The following ZDHHC14 variants were observed in gnomAD, a reference collection of about 807,000 sequenced individuals.
ZDHHC14 encodes the protein zDHHC palmitoyltransferase 14, also known as palmitoyltransferase ZDHHC14.
Under a neutral mutation model 47.7 loss-of-function variants are expected in ZDHHC14, and 16 were observed. The observed-to-expected ratio is 0.34, with a 90% CI of 0.23 to 0.51. The LOEUF is 0.51. Ranked by LOEUF, ZDHHC14 falls within the 20% of genes least tolerant of loss-of-function variation. The pLI, the probability that ZDHHC14 is intolerant of heterozygous loss-of-function variation, is 0.97. For missense variants in ZDHHC14, 515 were observed against 662.5 expected, an observed-to-expected ratio of 0.78 and a Z score of 2.44; for synonymous variants, 293 against 278.9, an observed-to-expected ratio of 1.05 and a Z score of -0.50.
chr6:157,510,772 C>T (rs1780446482), intron 1 of ZDHHC14, among the ~76,000 whole-genome samples: 1 of 152,202 alleles, frequency 6.6e-6, no homozygotes, highest in African/African-American at 2.4e-5. Context: ...CCCTTCCCAG[C>T]AAGGGGGGCG....
chr6:157,618,427 T>C (rs1785050792), intron 3 of ZDHHC14, among the ~76,000 whole-genome samples: 1 of 152,006 alleles, frequency 6.6e-6, no homozygotes, highest in Non-Finnish European at 1.5e-5. Context: ...GTTCAAGTGA[T>C]TTTTGTGCCT....
chr6:157,526,925 G>A (rs894747490), intron 1 of ZDHHC14, among the ~76,000 whole-genome samples: 6 of 152,276 alleles, frequency 3.9e-5, no homozygotes, highest in African/African-American at 7.2e-5. Flanking sequence ...GAGAGGGGCC[G>A]GGGCAGTGGA....
chr6:157,666,849 T>C (rs1465361899), intron 8 of ZDHHC14, among the ~76,000 whole-genome samples: 1 of 152,250 alleles, frequency 6.6e-6, no homozygotes, highest in Non-Finnish European at 1.5e-5. Flanking sequence ...TAAGTGCTAA[T>C]GTGTATGACT....
At chr6:157,638,448 A>G (rs911507689) in intron 5 of ZDHHC14, among the ~76,000 whole-genome samples, 8 of 152,146 alleles carry the variant, frequency 5.3e-5, no homozygotes, top group Admixed American at 5.2e-4. Context: ...ACCATGGACA[A>G]GAGCCCCCTG....
At chr6:157,445,144 A>ACT (rs1554258073) in intron 1 of ZDHHC14, among the ~76,000 whole-genome samples, 2,451 of 146,910 alleles carry the variant, frequency 0.017, 51 homozygotes, top group African/African-American at 0.049. Context: ...ACACACACAC[A>ACT]CTCTTCATAT....
At chr6:157,391,463 T>A (rs1035500580) in intron 1 of ZDHHC14, among the ~76,000 whole-genome samples, 1 of 152,188 alleles carries the variant, frequency 6.6e-6, no homozygotes, top group African/African-American at 2.4e-5. Flanking sequence ...TCAGAGAAGA[T>A]GTCTCTCTAG....
Position 157,381,357 on chromosome 6 carries a change from C to G in ZDHHC14, c.-665C>G, listed in dbSNP as rs1370937726. ...GGGGGCCGCGGATTCGACTAGGCTG[C>G]CAGGCGCAGCGACACCGGGTCGCGG... is the stretch of plus-strand genomic sequence containing the variant. On this transcript the variant is annotated 5_prime_UTR_variant, in exon 1 of 9. Coordinates refer to ENST00000359775, the MANE Select transcript of ZDHHC14 (RefSeq NM_024630.3). 1.2e-5 allele frequency: 2 copies of G among 161,188 alleles called. No homozygotes were observed. The highest frequency in any genetic ancestry group is 4.8e-5 in the African/African-American group (2 of 41,312). 10.0% of individuals were successfully genotyped at this position (161,188 alleles called of 1,614,324 possible). A position where few individuals can be genotyped will look rare whatever the true frequency, so the allele number is the denominator to read the frequency against.
chr6:157,382,625 G>T (rs1319133665), intron 1 of ZDHHC14, among the ~76,000 whole-genome samples: 2 of 152,214 alleles, frequency 1.3e-5, no homozygotes, highest in African/African-American at 4.8e-5. Context: ...GATGTAGCCT[G>T]CCGTGGGAAG....
At chr6:157,429,549 C>T (rs1361706641) in intron 1 of ZDHHC14, among the ~76,000 whole-genome samples, 1 of 113,866 alleles carries the variant, frequency 8.8e-6, no homozygotes, top group Non-Finnish European at 1.6e-5. Flanking sequence ...GGCTCACTAG[C>T]TGTTTGTAGA....
chr6:157,515,457 C>CTTTTTTTTTTTTT (rs1187323622), intron 1 of ZDHHC14, among the ~76,000 whole-genome samples: 18 of 129,442 alleles, frequency 1.4e-4, no homozygotes, highest in East Asian at 2.3e-4. Flanking sequence ...TTTTCTTTTT[C>CTTTTTTTTTTTTT]TTTTTTTTTT....
intron 1 of ZDHHC14, among the ~76,000 whole-genome samples, chr6:157,400,865 C>T (rs375323370): frequency 6.6e-6 from 1 of 152,370 alleles, no homozygotes; most frequent in South Asian, 2.1e-4. Context: ...GCTCCCTGTG[C>T]AGCTGTGCAC....
chr6:157,483,869 A>G (rs1279264979), intron 1 of ZDHHC14, among the ~76,000 whole-genome samples: 3 of 152,126 alleles, frequency 2.0e-5, no homozygotes, highest in Non-Finnish European at 4.4e-5. Context: ...CTTTCTGTGT[A>G]GTTAAAAATA....
intron 1 of ZDHHC14, among the ~76,000 whole-genome samples, chr6:157,531,786 C>G (rs149378076): frequency 0.011 from 1,606 of 152,372 alleles, 18 homozygotes; most frequent in Non-Finnish European, 0.018. Context: ...GACTTGTTCT[C>G]CAGCTCTGGA....
intron 1 of ZDHHC14, among the ~76,000 whole-genome samples, chr6:157,457,022 A>AATAAATAAATAAATAAATAAATAT (rs1312728861): frequency 6.6e-6 from 1 of 151,600 alleles, no homozygotes; most frequent in African/African-American, 2.4e-5. Flanking sequence ...TAAATAAATA[A>AATAAATAAATAAATAAATAAATAT]ATATTAGCCA....
intron 1 of ZDHHC14, among the ~76,000 whole-genome samples, chr6:157,423,203 G>T (rs556008687): frequency 6.6e-6 from 1 of 152,104 alleles, no homozygotes; most frequent in Non-Finnish European, 1.5e-5. Context: ...GTGACTTTAG[G>T]CCTTAATTTT....
intron 8 of ZDHHC14, among the ~76,000 whole-genome samples, chr6:157,663,560 G>A (rs904584416): frequency 1.1e-4 from 16 of 152,228 alleles, no homozygotes; most frequent in African/African-American, 2.9e-4. Flanking sequence ...ATCACCAGCA[G>A]ATAATGTTCC....
intron 1 of ZDHHC14, among the ~76,000 whole-genome samples, chr6:157,520,709 G>A (rs550662615): frequency 1.3e-5 from 2 of 152,306 alleles, no homozygotes; most frequent in East Asian, 3.9e-4. Context: ...TAAAATAGCA[G>A]TAAGTATTGA....
At chr6:157,499,347 G>C (rs973262805) in intron 1 of ZDHHC14, among the ~76,000 whole-genome samples, 2 of 152,154 alleles carry the variant, frequency 1.3e-5, no homozygotes, top group Non-Finnish European at 2.9e-5. Context: ...TGGTTTGCGG[G>C]TGGTGCCTTC....
intron 2 of ZDHHC14, among the ~76,000 whole-genome samples, chr6:157,551,361 A>T (rs1241863848): frequency 6.6e-6 from 1 of 152,004 alleles, no homozygotes; most frequent in Non-Finnish European, 1.5e-5. Context: ...GACAGGTGTA[A>T]CTCCACCCAC....
Sources: allele counts gnomAD v4.1 joint callset (sites outside exome capture counted in the v4.1 genomes callset), GRCh38; gene constraint gnomAD v4.1.1; transcripts MANE v1.5; gene names NCBI Gene and HGNC (gene_info 2026-07-23, HGNC 2026-07-21).